Variants in LNX1 observed in about 807,000 individuals in gnomAD.
LNX1 encodes the protein E3 ubiquitin-protein ligase LNX.
In LNX1, 54 loss-of-function variants were observed where a neutral mutation model predicts 68.4. The ratio of observed to expected loss-of-function variants is 0.79; its 90% confidence interval spans 0.63 to 0.99. The LOEUF is 0.99. Among genes scored for constraint, LNX1 ranks in the 50% least tolerant of loss-of-function variants. The probability of loss-of-function intolerance (pLI) is 0.00; values close to 1 mark genes in which losing one functional copy is unlikely to be tolerated. For missense variants in LNX1, 906 were observed against 926.4 expected (o/e 0.98, Z 0.29); for synonymous variants, 336 against 350.0 (o/e 0.96, Z 0.45).
intron 2 of LNX1, among the ~76,000 whole-genome samples, chr4:53,516,978 A>C (rs1432614766): frequency 6.6e-6 from 1 of 152,048 alleles, no homozygotes; most frequent in Non-Finnish European, 1.5e-5. Context: ...TGCCAGTCAC[A>C]CTCTTTGGAA....
At chr4:53,568,735 G>C (rs1203546059) in intron 2 of LNX1, among the ~76,000 whole-genome samples, 1 of 152,000 alleles carries the variant, frequency 6.6e-6, no homozygotes, top group Non-Finnish European at 1.5e-5. Context: ...CCTGTTTGCA[G>C]ATGACATGAT....
At chr4:53,481,117 G>A (rs1328980666) in intron 7 of LNX1, among the ~76,000 whole-genome samples, 1 of 152,198 alleles carries the variant, frequency 6.6e-6, no homozygotes. Flanking sequence ...TTCATTTAAA[G>A]TGAGGCTGCA....
intron 9 of LNX1, among the ~76,000 whole-genome samples, chr4:53,464,277 A>G (rs555479676): frequency 6.6e-6 from 1 of 152,220 alleles, no homozygotes; most frequent in African/African-American, 2.4e-5. Flanking sequence ...ACAGCCTCCT[A>G]CTTTGATTAA....
intron 1 of LNX1, among the ~76,000 whole-genome samples, chr4:53,578,976 A>AC (rs1731664223): frequency 6.6e-6 from 1 of 151,450 alleles, no homozygotes; most frequent in African/African-American, 2.4e-5. Context: ...TAGCTTATAA[A>AC]CATGTATGAT....
chr4:53,474,604 G>A (rs551943460), intron 9 of LNX1, among the ~76,000 whole-genome samples: 1 of 152,286 alleles, frequency 6.6e-6, no homozygotes, highest in East Asian at 1.9e-4. Flanking sequence ...ATTCTTTGGT[G>A]CATTCTGAAT....
chr4:53,597,633 C>T (rs1425224715), intron 2 of LNX1, among the ~76,000 whole-genome samples: 2 of 152,174 alleles, frequency 1.3e-5, no homozygotes, highest in Admixed American at 6.5e-5. Context: ...TGTGGCTCCA[C>T]ACTCTGAGTC....
intron 1 of LNX1, among the ~76,000 whole-genome samples, chr4:53,582,231 T>G (rs1334101412): frequency 6.6e-6 from 1 of 152,202 alleles, no homozygotes; most frequent in Non-Finnish European, 1.5e-5. Flanking sequence ...TCTTCCCAGG[T>G]GTGCCACTAA....
At chr4:53,646,807 G>T (rs1734902110) in intron 1 of LNX1, among the ~76,000 whole-genome samples, 1 of 152,216 alleles carries the variant, frequency 6.6e-6, no homozygotes, top group Non-Finnish European at 1.5e-5. Flanking sequence ...AATGAAAACA[G>T]ACATCTGTTT....
intron 6 of LNX1, among the ~76,000 whole-genome samples, chr4:53,487,944 C>T (rs977913047): frequency 2.0e-5 from 3 of 152,110 alleles, no homozygotes; most frequent in Non-Finnish European, 4.4e-5. Context: ...TGTGGTTGCC[C>T]CATTTTAGAA....
At chr4:53,505,636 T>G (rs1042641326) in intron 4 of LNX1, among the ~76,000 whole-genome samples, 2 of 152,206 alleles carry the variant, frequency 1.3e-5, no homozygotes, top group African/African-American at 4.8e-5. Flanking sequence ...TTCTAATCTT[T>G]TCATTTAGCC....
At chr4:53,652,018 T>TGAGAGAGAGAGAGA (rs1423382248) in intron 1 of LNX1, 4 of 102,374 alleles carry the variant, frequency 3.9e-5, no homozygotes, top group African/African-American at 1.2e-4. Context: ...GATGTGTGTG[T>TGAGAGAGAGAGAGA]GTGAGAGAGA....
At chr4:53,607,911 C>T (rs2616400) in intron 2 of LNX1, among the ~76,000 whole-genome samples, 61,549 of 152,018 alleles carry the variant, frequency 0.4, 12,602 homozygotes, top group Admixed American at 0.45. Flanking sequence ...ACTGGCTAGC[C>T]AGATGCGGAA....
rs764651628 is a variant in LNX1 at position 53,507,415 on chromosome 4, C to T, written c.677G>A (p.Arg226Gln). The change falls in exon 4 of 11, where the codon CGA becomes CAA. Residue 226 changes from arginine (R) to glutamine (Q), a missense_variant. Physicochemically the swap from Arg to Gln is conservative, Grantham distance 43. Coordinates refer to ENST00000263925, the MANE Select transcript of LNX1 (RefSeq NM_001126328.3). ...TGTCCTTCGAAGAACACTCAAAGCT[C>T]GATTTATTTTTTTAAATGATCTGCT... ...IRSRSFKKIN[R>Q]ALSVLRRTKS... The T allele has an allele frequency of 6.2e-7, 1 of 1,613,952 alleles. No homozygotes were observed. The highest frequency in any genetic ancestry group is 8.5e-7 in the Non-Finnish European group (1 of 1,179,978).
At chr4:53,649,760 A>C (rs1735022058) in intron 1 of LNX1, among the ~76,000 whole-genome samples, 1 of 152,166 alleles carries the variant, frequency 6.6e-6, no homozygotes, top group African/African-American at 2.4e-5. Flanking sequence ...CTCCGATGGC[A>C]GGCTGTGTAG....
intron 2 of LNX1, among the ~76,000 whole-genome samples, chr4:53,596,932 C>T (rs973463887): frequency 6.6e-6 from 1 of 152,142 alleles, no homozygotes; most frequent in South Asian, 2.1e-4. Flanking sequence ...CTTATTCATT[C>T]GGATTTTTCA....
At chr4:53,553,858 A>G (rs1354972190) in intron 2 of LNX1, among the ~76,000 whole-genome samples, 12 of 152,310 alleles carry the variant, frequency 7.9e-5, no homozygotes, top group Non-Finnish European at 2.9e-5. Context: ...TATTTAAAGA[A>G]GGAAAGGCCC....
At chr4:53,575,627 G>T in intron 1 of LNX1, 1 of 1,318,704 alleles carries the variant, frequency 7.6e-7, no homozygotes, top group Non-Finnish European at 9.7e-7. Context: ...CCCGCTTTTG[G>T]CTGCATTGGC....
intron 2 of LNX1, among the ~76,000 whole-genome samples, chr4:53,601,102 GGA>G (rs1560689614): frequency 4.2e-4 from 55 of 129,748 alleles, no homozygotes; most frequent in African/African-American, 9.1e-4. Context: ...AGGGAGGGAG[GGA>G]GGGGGGGAGG....
chr4:53,575,693 A>C, intron 1 of LNX1: 1 of 1,395,482 alleles, frequency 7.2e-7, no homozygotes, highest in Non-Finnish European at 9.3e-7. Context: ...GGGCTGGCTA[A>C]TCAAGGAGGA....
Sources: gnomAD v4.1 joint callset for allele counts (sites outside exome capture counted in the v4.1 genomes callset) on GRCh38, gnomAD v4.1.1 for gene constraint, MANE v1.5 for transcripts, NCBI Gene and HGNC (gene_info 2026-07-23, HGNC 2026-07-21) for gene names.